MYBPC1: variants seen among roughly 807,000 people sequenced by gnomAD.
MYBPC1 encodes the protein myosin-binding protein C, slow-type.
MYBPC1 carries 52 observed loss-of-function variants against 147.1 expected under a neutral mutation model. The ratio of observed to expected loss-of-function variants is 0.35; its 90% CI spans 0.28 to 0.45. MYBPC1 has a LOEUF of 0.45. Among genes scored for constraint, MYBPC1 ranks in the 20% least tolerant of loss-of-function variants. MYBPC1 has a pLI of 1.00. For missense variants in MYBPC1, 1,228 were observed against 1,440.3 expected, an observed-to-expected ratio of 0.85 and a Z score of 2.39; for synonymous variants, 477 against 475.9, an observed-to-expected ratio of 1.00 and a Z score of -0.03.
chr12:101,645,014 T>C (rs950865895), intron 12 of MYBPC1, among the ~76,000 whole-genome samples: 7 of 152,348 alleles, frequency 4.6e-5, no homozygotes, highest in African/African-American at 1.4e-4. Context: ...AAAAACTATT[T>C]AAAGTGTTTT....
intron 18 of MYBPC1, among the ~76,000 whole-genome samples, chr12:101,658,905 T>C (rs1286206840): frequency 6.6e-6 from 1 of 152,200 alleles, no homozygotes; most frequent in Non-Finnish European, 1.5e-5. Flanking sequence ...AACCAGTTTC[T>C]AAATTACTTT....
At chr12:101,686,084 C>G (rs1951338542), downstream of MYBPC1, 1 of 154,924 alleles carries the variant, frequency 6.5e-6, no homozygotes, top group African/African-American at 2.4e-5. Context: ...TTTTTCTAAC[C>G]AAAGCGGAGT....
intron 15 of MYBPC1, among the ~76,000 whole-genome samples, chr12:101,650,114 C>T (rs1016521810): frequency 6.6e-6 from 1 of 152,184 alleles, no homozygotes; most frequent in Admixed American, 6.5e-5. Flanking sequence ...TTTAGTTTAA[C>T]ATCAAGAAGT....
At chr12:101,633,069 C>T (rs1565927800) in intron 8 of MYBPC1, among the ~76,000 whole-genome samples, 1 of 152,134 alleles carries the variant, frequency 6.6e-6, no homozygotes, top group Admixed American at 6.5e-5. Flanking sequence ...ATTCCAAGTG[C>T]TATAGGATCT....
intron 18 of MYBPC1, among the ~76,000 whole-genome samples, chr12:101,653,803 T>C (rs1353079766): frequency 6.6e-6 from 1 of 152,088 alleles, no homozygotes; most frequent in South Asian, 2.1e-4. Flanking sequence ...AAGTGAATGA[T>C]TGGGAGAAAT....
In MYBPC1 at chr12:101,685,587, C is replaced by A. The variant is rs1198473271; in HGVS notation, c.*25C>A. The A allele has an allele frequency of 3.3e-6, 5 of 1,529,096 alleles. No individual in the cohort carries two copies. Among genetic ancestry groups the A allele is most frequent in the Non-Finnish European group, 3.5e-6 (4 of 1,140,822 alleles). The allele number at this position is 1,529,096 out of a possible 1,614,324, so 94.7% of individuals were successfully genotyped here. A position where few individuals can be genotyped will look rare whatever the true frequency, so the allele number is the denominator to read the frequency against. On this transcript the variant is annotated 3_prime_UTR_variant, in exon 32 of 32. Transcript: ENST00000361466. ...TTCCTTTTGGTCCTCTCTAGGTGGG[C>A]TCTCCTTCTGCAGACTCCTCTTGCA...
chr12:101,645,777 A>G (rs2136221435), intron 12 of MYBPC1, among the ~76,000 whole-genome samples: 1 of 152,332 alleles, frequency 6.6e-6, no homozygotes, highest in Non-Finnish European at 1.5e-5. Flanking sequence ...GTGCTCCTCC[A>G]TAATACAGAT....
In MYBPC1 at chr12:101,680,498, A is replaced by G. The variant is rs149742717; in HGVS notation, c.3402A>G (p.Thr1134=). The G allele has an allele frequency of 7.6e-4, 1,224 of 1,614,176 alleles. No homozygotes were observed. The highest frequency in any genetic ancestry group is 9.9e-4 in the Non-Finnish European group (1,165 of 1,179,990). ...GCAAAGCAGTCAATGACCTTGGGAC[A>G]GTGGAGATTGAATGCAAACTGGAGG... ...YCCKAVNDLG[T]VEIECKLEVK... The change falls in exon 29 of 32, where the codon ACA becomes ACG. Residue 1134 remains threonine (T), a synonymous_variant. Transcript: ENST00000361466.
chr12:101,691,160 C>T, the MYBPC1 span, among the ~76,000 whole-genome samples: 2 of 152,310 alleles, frequency 1.3e-5, no homozygotes, highest in South Asian at 4.1e-4. Context: ...TATCTTCCGC[C>T]TCCTGGGTTC....
chr12:101,666,843 T>C (rs1009040127), intron 22 of MYBPC1: 5 of 1,548,702 alleles, frequency 3.2e-6, no homozygotes, highest in Admixed American at 3.4e-5. Context: ...TATATTATAA[T>C]GTTTCTGGGA....
chr12:101,631,739 G>A lies in MYBPC1; in HGVS notation c.438+20G>A. ...AGTCGGGTAAGGCCCTGAACTCCCA[G>A]GACAGGCGCTCAGCTAGCGCATTCC... On this transcript the variant is annotated intron_variant, in intron 7 of 31. Transcript: ENST00000361466. The A allele has an allele frequency of 6.2e-7, 1 of 1,613,856 alleles. No individual in the cohort carries two copies.
chr12:101,677,850 A>G (rs1676187014), intron 27 of MYBPC1, among the ~76,000 whole-genome samples: 1 of 152,212 alleles, frequency 6.6e-6, no homozygotes, highest in South Asian at 2.1e-4. Flanking sequence ...TTCTATTCAA[A>G]ATACTCAGAA....
chr12:101,677,105 C>T, intron 26 of MYBPC1, 130 bp from the exon 27 acceptor site: 1 of 809,594 alleles, frequency 1.2e-6, no homozygotes, highest in South Asian at 1.6e-5. Flanking sequence ...TATTACTCTC[C>T]ATATAAAAAT....
At position 101,632,021 on chromosome 12, in the gene MYBPC1, G is replaced by A. The variant is rs1181984669; in HGVS notation, c.439G>A (p.Val147Met). ...LKETFERHSR[V>M]YTFEMQIIKA... is the part of the protein sequence containing the mutation. Reference sequence around the variant, plus strand: ...TGTGTCTGGATGCATTTCATTGCAGGTGTACACATTTGAGATGCAGATCAT... The same window carrying A: ...TGTGTCTGGATGCATTTCATTGCAGATGTACACATTTGAGATGCAGATCAT... Residue 147 changes from valine (V) to methionine (M), a missense_variant and splice_region_variant, in exon 8 of 32, where the codon GTG becomes ATG. Physicochemically the swap from Val to Met is conservative, Grantham distance 21 (BLOSUM62 1). This residue lies in a region of MYBPC1 where 1,077 missense variants were observed against 1,314.2 expected (regional missense o/e 0.82). Coordinates refer to ENST00000361466, the MANE Select transcript of MYBPC1 (RefSeq NM_002465.4). 6.2e-7 allele frequency: 1 copy of A among 1,600,922 alleles called. No homozygotes were observed. Among genetic ancestry groups the A allele is most frequent in the Non-Finnish European group, 8.6e-7 (1 of 1,168,062 alleles).
At chr12:101,653,296 A>G (rs1894902672) in intron 18 of MYBPC1, 48 bp downstream of exon 18, 1 of 1,606,624 alleles carries the variant, frequency 6.2e-7, no homozygotes, top group African/African-American at 1.3e-5. Context: ...ACATATGCAG[A>G]CACACTGCCT....
rs762294682 is a variant in MYBPC1 at position 101,685,616 on chromosome 12, C to T, written c.*54C>T. On this transcript the variant is annotated 3_prime_UTR_variant, in exon 32 of 32. Coordinates refer to ENST00000361466, the MANE Select transcript of MYBPC1 (RefSeq NM_002465.4). ...CCTTCTGCAGACTCCTCTTGCAAGG[C>T]GTACCTCCAAACATAATTGATTCGT... 2.7e-5 allele frequency: 42 copies of T among 1,534,470 alleles called. No homozygotes were observed. The highest frequency in any genetic ancestry group is 6.9e-5 in the African/African-American group (5 of 72,926).
chr12:101,614,462 A>G (rs1389313653), intron 1 of MYBPC1, 34 bp from the exon 2 acceptor site: 3 of 1,613,168 alleles, frequency 1.9e-6, no homozygotes, highest in Non-Finnish European at 2.5e-6. Flanking sequence ...GTGATAAATG[A>G]GCCTGACATT....
intron 22 of MYBPC1, chr12:101,666,308 G>A (rs1021109154): frequency 1.9e-5 from 4 of 207,204 alleles, no homozygotes; most frequent in South Asian, 8.5e-5. Context: ...GTTCCCTGGG[G>A]ACCCAAGAGA....
downstream of MYBPC1, among the ~76,000 whole-genome samples, chr12:101,686,293 ACT>A (rs1271428468): frequency 6.6e-6 from 1 of 152,240 alleles, no homozygotes; most frequent in Non-Finnish European, 1.5e-5. Flanking sequence ...GAGACACAAA[ACT>A]GAGGCTAAAG....
Sources: gnomAD v4.1 joint callset for allele counts (sites outside exome capture counted in the v4.1 genomes callset) on GRCh38, gnomAD v4.1.1 for gene constraint, gnomAD v4.1.1 regional missense constraint, MANE v1.5 for transcripts, NCBI Gene and HGNC (gene_info 2026-07-23, HGNC 2026-07-21) for gene names.